NXN: variants seen among roughly 807,000 people sequenced by gnomAD.
The protein encoded by NXN is nucleoredoxin 1.
NXN carries 16 observed loss-of-function variants against 48.6 expected under a neutral mutation model. The ratio of observed to expected loss-of-function variants is 0.33; its 90% CI spans 0.22 to 0.50. The LOEUF (loss-of-function observed/expected upper bound fraction) is 0.50. Ranked by LOEUF, NXN falls within the 20% of genes least tolerant of loss-of-function variation. NXN has a pLI of 0.98. For missense variants in NXN, 492 were observed against 605.5 expected (o/e 0.81, Z 1.97); for synonymous variants, 281 against 269.6 (o/e 1.04, Z -0.41).
In NXN at chr17:801,115, GAGTC is replaced by G; in HGVS notation, c.1138_1141del (p.Asp380ProfsTer27). 2 of 1,548,234 alleles carry G rather than the reference GAGTC, an allele frequency of 1.3e-6. No individual in the cohort carries two copies. Among genetic ancestry groups the G allele is most frequent in the South Asian group, 1.2e-5 (1 of 81,750 alleles). ...AGGCAGGTTGGTGTAATCTCGCAGG[GAGTC>G]AGTCATGTCATCCTGAAGCCGTCAG... is the stretch of plus-strand genomic sequence containing the variant. On this transcript the variant is annotated frameshift_variant, in exon 8 of 8. Coordinates refer to ENST00000336868, the MANE Select transcript of NXN (RefSeq NM_022463.5). LOFTEE classifies it high-confidence loss of function.
intron 1 of NXN, among the ~76,000 whole-genome samples, chr17:827,605 A>C (rs577056689): frequency 6.6e-6 from 1 of 152,366 alleles, no homozygotes; most frequent in Non-Finnish European, 1.5e-5. Flanking sequence ...CCTGGGTGAC[A>C]GAGTGAGACT....
chr17:862,257 T>G (rs1444359931), intron 1 of NXN, among the ~76,000 whole-genome samples: 2 of 152,224 alleles, frequency 1.3e-5, no homozygotes, highest in African/African-American at 2.4e-5. Flanking sequence ...GGCTCACACC[T>G]GTAATCCCAG....
rs865953551 is a variant in NXN at position 817,397 on chromosome 17, T to G, written c.820+2042A>C. Reference sequence around the variant, plus strand: ...TCAAAGAGCCTAATGAGGCCAGACGTGGTGGCTCACGCCTGTAATCCCAGC... The same window carrying G: ...TCAAAGAGCCTAATGAGGCCAGACGGGGTGGCTCACGCCTGTAATCCCAGC... On this transcript the variant is annotated intron_variant, in intron 5 of 7. Transcript: ENST00000336868. Among the ~76,000 whole-genome samples the G allele has an allele frequency of 4.3e-4, 66 of 152,270 alleles. No homozygotes were observed. In the Middle Eastern group the frequency reaches 0.027, roughly 63 times the overall value.
intron 1 of NXN, among the ~76,000 whole-genome samples, chr17:950,734 G>C (rs1272434859): frequency 6.6e-6 from 1 of 152,132 alleles, no homozygotes; most frequent in African/African-American, 2.4e-5. Flanking sequence ...ATGCCACCGA[G>C]TGGACGGACG....
chr17:804,954 G>GGCTT, intron 6 of NXN, 114 bp downstream of exon 6: 2 of 1,151,736 alleles, frequency 1.7e-6, no homozygotes, highest in Non-Finnish European at 2.5e-6. Flanking sequence ...CAAAGGCCCA[G>GGCTT]GCTTGCACTG....
chr17:969,823 G>A (rs1023535640), intron 1 of NXN, among the ~76,000 whole-genome samples: 2 of 152,042 alleles, frequency 1.3e-5, no homozygotes, highest in African/African-American at 4.8e-5. Context: ...ATTCTCCCAG[G>A]AAAACAAAGA....
chr17:933,773 C>T (rs907634203), intron 1 of NXN, among the ~76,000 whole-genome samples: 6 of 152,062 alleles, frequency 3.9e-5, no homozygotes. Context: ...TATCCTGAAG[C>T]CTACGTGGTC....
chr17:902,218 C>T (rs1122427), intron 1 of NXN, among the ~76,000 whole-genome samples: 1,708 of 152,334 alleles, frequency 0.011, 33 homozygotes, highest in African/African-American at 0.039. Context: ...CCCACTCGCA[C>T]GACGGACCCA....
chr17:935,896 C>A (rs2068902685), intron 1 of NXN, among the ~76,000 whole-genome samples: 1 of 152,052 alleles, frequency 6.6e-6, no homozygotes, highest in Admixed American at 6.6e-5. Context: ...AGTTTAAGAC[C>A]AGCCTGACCA....
At chr17:934,140 G>GCC (rs2068881231) in intron 1 of NXN, among the ~76,000 whole-genome samples, 19 of 152,192 alleles carry the variant, frequency 1.2e-4, no homozygotes, top group Middle Eastern at 3.5e-3. Context: ...CGTGGCTCAC[G>GCC]TCTGTAATCC....
intron 1 of NXN, among the ~76,000 whole-genome samples, chr17:894,994 C>CTTTTT (rs778350779): frequency 4.9e-5 from 3 of 60,822 alleles, no homozygotes; most frequent in Non-Finnish European, 9.1e-5. Context: ...TCACCCTTTC[C>CTTTTT]TTTTTTTTTT....
chr17:858,942 C>G (rs938720936), intron 1 of NXN, among the ~76,000 whole-genome samples: 2 of 152,140 alleles, frequency 1.3e-5, no homozygotes, highest in Admixed American at 6.6e-5. Context: ...AGGCAGGGGC[C>G]AATTTTCTGG....
rs946799354 is a variant in NXN at position 918,655 on chromosome 17, C to T, written c.360+60664G>A. Among the ~76,000 whole-genome samples the T allele has an allele frequency of 5.9e-5, 9 of 151,710 alleles. No individual in the cohort carries two copies. In the East Asian group the frequency reaches 1.5e-3, roughly 26 times the overall value. On this transcript the variant is annotated intron_variant, in intron 1 of 7. Coordinates refer to ENST00000336868, the MANE Select transcript of NXN (RefSeq NM_022463.5). ...TAAAAATACAAAAATTATCCAGGCG[C>T]GGTGGTGGGCGGCTGTAATCCCAGC... is the stretch of plus-strand genomic sequence containing the variant.
chr17:822,285 AAAAAG>A (rs1912858797), intron 4 of NXN, 67 bp downstream of exon 4: 14 of 1,149,592 alleles, frequency 1.2e-5, no homozygotes, highest in Middle Eastern at 2.0e-4. Context: ...GTCTCAGAAA[AAAAAG>A]AAAAGAAAAA....
At chr17:863,995 C>G in intron 1 of NXN, 2 of 1,535,224 alleles carry the variant, frequency 1.3e-6, no homozygotes. Flanking sequence ...TGCTCAGTTT[C>G]GGTGAAAGGA....
At chr17:867,847 AC>A (rs1367651175) in intron 1 of NXN, among the ~76,000 whole-genome samples, 1 of 151,326 alleles carries the variant, frequency 6.6e-6, no homozygotes, top group Non-Finnish European at 1.5e-5. Context: ...AATCGCTTGA[AC>A]CCAGGAGGTG....
intron 1 of NXN, among the ~76,000 whole-genome samples, chr17:970,662 T>C (rs1448032125): frequency 1.3e-5 from 2 of 152,188 alleles, no homozygotes; most frequent in African/African-American, 4.8e-5. Context: ...GAGTATTTTT[T>C]AAGGTACAAT....
Position 873,145 on chromosome 17 carries a change from C to T in NXN, c.361-47067G>A, listed in dbSNP as rs571379840. On this transcript the variant is annotated intron_variant, in intron 1 of 7. Coordinates refer to ENST00000336868, the MANE Select transcript of NXN (RefSeq NM_022463.5). ...TCAGTTCTCCTGGGTCTCCAGCTTG[C>T]CAACTGCAGCTCTTGGGGCTTCTTA... is the stretch of plus-strand genomic sequence containing the variant. Among the ~76,000 whole-genome samples the T allele has an allele frequency of 2.1e-4, 32 of 152,300 alleles. No homozygotes were observed. In the Middle Eastern group the frequency reaches 0.01, roughly 49 times the overall value.
chr17:879,880 G>A (rs1331089755), intron 1 of NXN: 1 of 152,170 alleles, frequency 6.6e-6, no homozygotes, highest in African/African-American at 2.4e-5. Context: ...TCTCTCACAG[G>A]TACGGAATCC....
Sources: gnomAD v4.1 joint callset for allele counts (sites outside exome capture counted in the v4.1 genomes callset) on GRCh38, gnomAD v4.1.1 for gene constraint, MANE v1.5 for transcripts, NCBI Gene and HGNC (gene_info 2026-07-23, HGNC 2026-07-21) for gene names.